Variants in PCNX2 observed in about 807,000 individuals in gnomAD.
The protein encoded by PCNX2 is pecanex-like protein 2.
Under a neutral mutation model 223.8 loss-of-function variants are expected in PCNX2, and 168 were observed. The observed-to-expected ratio is 0.75, with a 90% CI of 0.66 to 0.85. PCNX2 has a LOEUF of 0.85. PCNX2 is among the 40% of genes least tolerant of loss of function. The pLI is 0.00. For synonymous variants in PCNX2, 1,006 were observed against 1,052.6 expected, an observed-to-expected ratio of 0.96 and a Z score of 0.86; for missense variants, 2,507 against 2,675.5, an observed-to-expected ratio of 0.94 and a Z score of 1.39.
At chr1:233,263,605 A>G (rs10157957) in intron 1 of PCNX2, among the ~76,000 whole-genome samples, 59,340 of 151,630 alleles carry the variant, frequency 0.39, 12,480 homozygotes, top group African/African-American at 0.56. Context: ...ACAGGCATTC[A>G]CCACCATGCC....
chr1:233,239,937 A>C (rs1425057480), intron 8 of PCNX2, among the ~76,000 whole-genome samples: 3 of 152,166 alleles, frequency 2.0e-5, no homozygotes, highest in Non-Finnish European at 4.4e-5. Context: ...TTCCCTCTTA[A>C]TTAACCTCTT....
intron 8 of PCNX2, among the ~76,000 whole-genome samples, chr1:233,238,001 T>C (rs1289690506): frequency 6.6e-6 from 1 of 152,238 alleles, no homozygotes; most frequent in African/African-American, 2.4e-5. Flanking sequence ...GGCCTTTACA[T>C]GATTCGTGAA....
intron 23 of PCNX2, among the ~76,000 whole-genome samples, chr1:233,084,852 T>C (rs1051184321): frequency 2.0e-5 from 3 of 152,212 alleles, no homozygotes; most frequent in African/African-American, 7.2e-5. Flanking sequence ...TATTATACAC[T>C]GCATTTGCTA....
chr1:232,999,627 A>AT (rs948725049), intron 30 of PCNX2: 7 of 429,566 alleles, frequency 1.6e-5, no homozygotes, highest in African/African-American at 1.4e-4. Context: ...CTAATTTTGT[A>AT]TTTTTTAGTA....
intron 1 of PCNX2, among the ~76,000 whole-genome samples, chr1:233,286,153 T>C (rs1310485983): frequency 6.6e-6 from 1 of 152,216 alleles, no homozygotes; most frequent in East Asian, 1.9e-4. Context: ...AAAGGGTATA[T>C]GAAGATTTTT....
intron 21 of PCNX2, among the ~76,000 whole-genome samples, chr1:233,134,091 C>T (rs1018435010): frequency 2.6e-5 from 4 of 152,040 alleles, no homozygotes; most frequent in Admixed American, 2.6e-4. Flanking sequence ...GAAAGACTTA[C>T]AATTAAAAAA....
chr1:233,261,885 T>C (rs1477536927), intron 3 of PCNX2, among the ~76,000 whole-genome samples, 160 bp downstream of exon 3: 1 of 152,198 alleles, frequency 6.6e-6, no homozygotes, highest in Admixed American at 6.5e-5. Flanking sequence ...AAGGGCACCC[T>C]TCAGGCCATT....
intron 26 of PCNX2, chr1:233,019,279 G>A: frequency 3.4e-6 from 3 of 869,898 alleles, no homozygotes; most frequent in Non-Finnish European, 4.1e-6. Context: ...CAGTCTACCT[G>A]TCCCAAAAAT....
intron 21 of PCNX2, among the ~76,000 whole-genome samples, chr1:233,109,827 A>T (rs1313113684): frequency 6.6e-6 from 1 of 152,258 alleles, no homozygotes; most frequent in East Asian, 1.9e-4. Flanking sequence ...CAGATTCAGA[A>T]GATCAGGCAG....
At chr1:233,194,764 C>T (rs1680624847) in intron 15 of PCNX2, among the ~76,000 whole-genome samples, 2 of 152,086 alleles carry the variant, frequency 1.3e-5, no homozygotes, top group African/African-American at 4.8e-5. Context: ...CACCTGCAAT[C>T]CCAGCACTTT....
At chr1:233,123,178 C>A (rs1486245829) in intron 21 of PCNX2, among the ~76,000 whole-genome samples, 2 of 152,154 alleles carry the variant, frequency 1.3e-5, no homozygotes, top group Non-Finnish European at 2.9e-5. Flanking sequence ...ATGTACCATA[C>A]AAATATAAGA....
chr1:233,317,852 A>G, the PCNX2 span, among the ~76,000 whole-genome samples: 915 of 152,344 alleles, frequency 6.0e-3, 19 homozygotes, highest in East Asian at 0.063. Flanking sequence ...TTATTCCACC[A>G]TTTTACAAAG....
intron 15 of PCNX2, among the ~76,000 whole-genome samples, chr1:233,184,749 G>A (rs576471405): frequency 1.3e-5 from 2 of 152,190 alleles, no homozygotes; most frequent in Admixed American, 6.5e-5. Flanking sequence ...GGAGTAAATG[G>A]CAATGTGGCC....
Position 233,295,628 on chromosome 1 carries a change from A to C in PCNX2, c.-150T>G. Reference sequence around the variant, plus strand: ...CGCCCCCGCCGCCTCCTTCCACCCCACGTTTGAAGCTGGAGCTGCTCTTCC... The same window carrying C: ...CGCCCCCGCCGCCTCCTTCCACCCCCCGTTTGAAGCTGGAGCTGCTCTTCC... On this transcript the variant is annotated 5_prime_UTR_variant, in exon 1 of 34. Transcript: ENST00000258229. This position sits in a 1 kb window ranked among gnomAD's most constrained non-coding sequence, Gnocchi z 4.1. The C allele has an allele frequency of 8.0e-5, 65 of 808,146 alleles. No individual in the cohort carries two copies. The highest frequency in any genetic ancestry group is 1.0e-4 in the Non-Finnish European group (61 of 597,408). 50.1% of individuals were successfully genotyped at this position (808,146 alleles called of 1,614,324 possible). A position where few individuals can be genotyped will look rare whatever the true frequency, so the allele number is the denominator to read the frequency against.
rs543541239 is a variant in PCNX2, at chr1:233,076,722, C to T, written c.4076+13339G>A. On this transcript the variant is annotated intron_variant, in intron 23 of 33. Transcript: ENST00000258229. ...CTTATTCTACAATCATCTTGAGACA[C>T]CTTGTCAAATCATTTACACCTTGAC... 4.6e-5 allele frequency among the ~76,000 whole-genome samples: 7 copies of T among 152,280 alleles called. No homozygotes were observed. In the South Asian group the frequency reaches 1.0e-3, roughly 23 times the overall value.
rs1670581787 is a variant in PCNX2 at position 233,014,559 on chromosome 1, T to C, written c.4952+106A>G. On this transcript the variant is annotated intron_variant, in intron 28 of 33. Transcript: ENST00000258229. ...TATGAAAAGAACTATCTGAAAGTAG[T>C]ATAATAAGTCCAGCTTCAAAATAAA... 6 of 805,226 alleles carry C rather than the reference T, an allele frequency of 7.5e-6. No individual in the cohort carries two copies. The South Asian group carries it at 8.5e-5, about 11-fold the overall frequency. 49.9% of individuals were successfully genotyped at this position (805,226 alleles called of 1,614,324 possible).
chr1:233,143,603 G>A (rs1125642), intron 19 of PCNX2, among the ~76,000 whole-genome samples: 75,678 of 151,888 alleles, frequency 0.5, 20,854 homozygotes, highest in African/African-American at 0.74. Flanking sequence ...AGTCCTACAA[G>A]TGATTCTGAT....
At chr1:233,239,065 A>T (rs1473157498) in intron 8 of PCNX2, among the ~76,000 whole-genome samples, 1 of 152,246 alleles carries the variant, frequency 6.6e-6, no homozygotes, top group African/African-American at 2.4e-5. Context: ...AACAGAACTG[A>T]AATTGCAATG....
chr1:233,227,096 G>A (rs987241045), intron 10 of PCNX2, 130 bp downstream of exon 10: 7 of 1,082,510 alleles, frequency 6.5e-6, no homozygotes, highest in Middle Eastern at 2.8e-4. Flanking sequence ...TTTAACTTTG[G>A]GTTGTCAGCA....
Sources: allele counts gnomAD v4.1 joint callset (sites outside exome capture counted in the v4.1 genomes callset), GRCh38; gene constraint gnomAD v4.1.1; non-coding constraint Gnocchi (gnomAD v3.1); transcripts MANE v1.5; gene names NCBI Gene and HGNC (gene_info 2026-07-23, HGNC 2026-07-21).